Variants in SLC36A2 observed in about 807,000 individuals in gnomAD.
SLC36A2 encodes proton-coupled amino acid transporter 2.
Under a neutral mutation model 42.7 loss-of-function variants are expected in SLC36A2, and 39 were observed. That is an observed-to-expected ratio of 0.91 (90% confidence interval 0.71 to 1.19). SLC36A2 has a LOEUF of 1.19. Ranked by LOEUF, SLC36A2 falls within the 50% of genes most tolerant of loss-of-function variation. The pLI is 0.00. For missense variants in SLC36A2, 590 were observed against 613.7 expected (o/e 0.96, Z 0.41); for synonymous variants, 237 against 240.8 (o/e 0.98, Z 0.15).
intron 7 of SLC36A2, among the ~76,000 whole-genome samples, chr5:151,332,706 CTG>C (rs1756032315): frequency 1.3e-5 from 2 of 152,212 alleles, no homozygotes; most frequent in African/African-American, 4.8e-5. Context: ...GTTCTGCATT[CTG>C]ACTTTGGTGC....
chr5:151,340,244 AG>A (rs1008800811), intron 4 of SLC36A2, among the ~76,000 whole-genome samples: 1 of 145,390 alleles, frequency 6.9e-6, no homozygotes, highest in African/African-American at 2.6e-5. Context: ...GAGGAGGAGG[AG>A]GGGGAAGAAG....
chr5:151,316,759 AAAAAG>A lies in SLC36A2; in HGVS notation c.*53_*57del. 22 of 1,542,114 alleles carry A rather than the reference AAAAAG, an allele frequency of 1.4e-5. No individual in the cohort carries two copies. The highest frequency in any genetic ancestry group is 1.9e-5 in the Non-Finnish European group (22 of 1,145,470). On this transcript the variant is annotated 3_prime_UTR_variant, in exon 10 of 10. Coordinates refer to ENST00000335244, the MANE Select transcript of SLC36A2 (RefSeq NM_181776.3). Reference sequence around the variant, plus strand: ...CCGTCTCAAAAAAAAAAAAAAAAAAAAAAAGAGATCCATATAATTAAAAGTCGGGT... The same window carrying A: ...CCGTCTCAAAAAAAAAAAAAAAAAAAAGATCCATATAATTAAAAGTCGGGT...
intron 4 of SLC36A2, among the ~76,000 whole-genome samples, chr5:151,340,056 AAG>A (rs780178703): frequency 7.9e-5 from 12 of 151,814 alleles, no homozygotes; most frequent in Non-Finnish European, 1.3e-4. Flanking sequence ...GGGAGGGACA[AAG>A]AGAGAGAGAA....
chr5:151,343,623 G>A (rs751625889), intron 2 of SLC36A2, 25 bp from the exon 3 acceptor site: 13 of 1,594,536 alleles, frequency 8.2e-6, no homozygotes, highest in Middle Eastern at 1.7e-4. Flanking sequence ...GGCAAGGGGC[G>A]AGGGAGGAGA....
At chr5:151,337,793 G>T (rs892203225) in intron 5 of SLC36A2, among the ~76,000 whole-genome samples, 2 of 152,044 alleles carry the variant, frequency 1.3e-5, no homozygotes, top group African/African-American at 4.8e-5. Context: ...TCTGTGTGAT[G>T]GAATATTATG....
chr5:151,324,732 C>A (rs1186660147), intron 8 of SLC36A2, among the ~76,000 whole-genome samples: 4 of 152,136 alleles, frequency 2.6e-5, no homozygotes, highest in Non-Finnish European at 5.9e-5. Context: ...AACTCCTGGG[C>A]TCAAGTGATC....
At chr5:151,336,770 A>G (rs1281957417) in intron 5 of SLC36A2, among the ~76,000 whole-genome samples, 3 of 149,204 alleles carry the variant, frequency 2.0e-5, no homozygotes, top group African/African-American at 7.4e-5. Flanking sequence ...TAAAGTCAGC[A>G]TGACCTAACT....
chr5:151,334,428 G>T (rs558552715), intron 6 of SLC36A2, among the ~76,000 whole-genome samples: 1 of 151,338 alleles, frequency 6.6e-6, no homozygotes, highest in Non-Finnish European at 1.5e-5. Flanking sequence ...GGTGGCTCAT[G>T]CCTGTAATCT....
rs148462665 is a variant in SLC36A2, at chr5:151,344,647, G to A, written c.165-380C>T. On this transcript the variant is annotated intron_variant, in intron 1 of 9. Coordinates refer to ENST00000335244, the MANE Select transcript of SLC36A2 (RefSeq NM_181776.3). ...TGACTTATCCAGGATATATTGGGGA[G>A]CCAAGATTTAACACAGTGCTGCTTC... 5.9e-5 allele frequency among the ~76,000 whole-genome samples: 9 copies of A among 152,318 alleles called. No homozygotes were observed. In the East Asian group the frequency reaches 1.7e-3, roughly 29 times the overall value.
intron 9 of SLC36A2, among the ~76,000 whole-genome samples, chr5:151,320,017 A>G (rs1194075175): frequency 6.6e-6 from 1 of 152,136 alleles, no homozygotes; most frequent in East Asian, 1.9e-4. Context: ...GGTATATGTC[A>G]TGTTTTCCCA....
intron 8 of SLC36A2, among the ~76,000 whole-genome samples, chr5:151,324,503 T>G (rs569579766): frequency 1.3e-5 from 2 of 152,216 alleles, no homozygotes; most frequent in East Asian, 3.9e-4. Flanking sequence ...CGGCTAATTT[T>G]GTATTATTAG....
intron 9 of SLC36A2, among the ~76,000 whole-genome samples, chr5:151,321,571 G>A (rs1192803066): frequency 6.6e-6 from 1 of 152,098 alleles, no homozygotes; most frequent in Admixed American, 6.6e-5. Flanking sequence ...TGTAAGAATG[G>A]GGTTGTTTAG....
chr5:151,335,300 G>A (rs763348771), intron 6 of SLC36A2, 29 bp downstream of exon 6: 1 of 1,541,500 alleles, frequency 6.5e-7, no homozygotes. Flanking sequence ...CTGCCCAGTG[G>A]AGTGGGCAGG....
chr5:151,327,333 G>A (rs1755880840), intron 7 of SLC36A2, among the ~76,000 whole-genome samples: 1 of 152,206 alleles, frequency 6.6e-6, no homozygotes, highest in Non-Finnish European at 1.5e-5. Flanking sequence ...GATTCAGGTT[G>A]TAGACCAGGG....
At chr5:151,335,217 T>A in intron 6 of SLC36A2, 112 bp downstream of exon 6, 1 of 759,306 alleles carries the variant, frequency 1.3e-6, no homozygotes, top group Non-Finnish European at 2.3e-6. Flanking sequence ...TGCATGTCTC[T>A]CATAACACTC....
intron 8 of SLC36A2, 75 bp downstream of exon 8, chr5:151,325,210 TG>T (rs1471552396): frequency 2.0e-6 from 3 of 1,534,180 alleles, no homozygotes; most frequent in Non-Finnish European, 2.7e-6. Context: ...TTCCCAGCTG[TG>T]GAAGGGAGGA....
intron 8 of SLC36A2, among the ~76,000 whole-genome samples, chr5:151,323,028 G>A (rs1261341813): frequency 1.3e-5 from 2 of 152,134 alleles, no homozygotes; most frequent in Non-Finnish European, 2.9e-5. Context: ...CTGAGGTCAC[G>A]AATTTGAGAC....
chr5:151,323,989 C>T (rs1479995425), intron 8 of SLC36A2, among the ~76,000 whole-genome samples: 3 of 152,220 alleles, frequency 2.0e-5, no homozygotes, highest in African/African-American at 7.2e-5. Flanking sequence ...ATGACATGAC[C>T]TGGTGTGGGA....
chr5:151,315,118 GATC>G lies in SLC36A2; in HGVS notation c.*1696_*1698del, dbSNP rs1755457339. 6.5e-6 allele frequency: 1 copy of G among 152,682 alleles called. No individual in the cohort carries two copies. The highest frequency in any genetic ancestry group is 2.1e-4 in the South Asian group (1 of 4,826). The allele number at this position is 152,682 out of a possible 1,614,324, so 9.5% of individuals were successfully genotyped here. On this transcript the variant is annotated 3_prime_UTR_variant, in exon 10 of 10. Coordinates refer to ENST00000335244, the MANE Select transcript of SLC36A2 (RefSeq NM_181776.3). ...GTGTCTGGAAGTTGGTAGGCTGGTT[GATC>G]TGCGGACAGGGCTCAACTGGGATGA...
Sources: gnomAD v4.1 joint callset for allele counts (sites outside exome capture counted in the v4.1 genomes callset) on GRCh38, gnomAD v4.1.1 for gene constraint, MANE v1.5 for transcripts, NCBI Gene and HGNC (gene_info 2026-07-23, HGNC 2026-07-21) for gene names.